CHP1: variants seen among roughly 807,000 people sequenced by gnomAD.
The protein encoded by CHP1 is calcineurin like EF-hand protein 1.
A neutral mutation model predicts 27.4 loss-of-function variants in CHP1; 11 were observed. The ratio of observed to expected loss-of-function variants is 0.40; its 90% CI spans 0.25 to 0.67. The LOEUF (loss-of-function observed/expected upper bound fraction) is 0.67, where lower values mean the gene tolerates loss of function less well. Ranked by LOEUF, CHP1 falls within the 30% of genes least tolerant of loss-of-function variation. CHP1 has a pLI of 0.38. For missense variants in CHP1, 169 were observed against 251.3 expected, an observed-to-expected ratio of 0.67 and a Z score of 2.22; for synonymous variants, 89 against 87.4, an observed-to-expected ratio of 1.02 and a Z score of -0.10.
At position 41,256,385 on chromosome 15, in the gene CHP1, CAG is replaced by C. The variant is rs1481107336; in HGVS notation, c.141-522_141-521del. The stretch of plus-strand genomic sequence containing the variant: ...CAGAACATGGAAATGGAGAAAAAGC[CAG>C]AGTCAGAACAAGGAAATCAATTGGT... On this transcript the variant is annotated intron_variant, in intron 2 of 6. Transcript: ENST00000334660. Among the ~76,000 whole-genome samples, 47 of 152,228 alleles carry C rather than the reference CAG, an allele frequency of 3.1e-4. 1 individual carries two copies. Among genetic ancestry groups the C allele is most frequent in the Non-Finnish European group, 5.9e-5 (4 of 68,014 alleles).
intron 2 of CHP1, 113 bp from the exon 3 acceptor site, chr15:41,256,797 G>GT (rs1365507956): frequency 8.5e-6 from 7 of 822,256 alleles, no homozygotes; most frequent in Non-Finnish European, 1.0e-5. Context: ...TGCCACAGAA[G>GT]TAAATTCCAG....
At chr15:41,236,647 A>G (rs1196513051) in intron 1 of CHP1, among the ~76,000 whole-genome samples, 4 of 152,158 alleles carry the variant, frequency 2.6e-5, no homozygotes, top group Admixed American at 1.3e-4. Flanking sequence ...TGACCCCAGC[A>G]GCAGCTGCGA....
In CHP1 at chr15:41,270,631, C is replaced by T; in HGVS notation, c.411+13C>T. 1 of 1,607,226 alleles carries T rather than the reference C, an allele frequency of 6.2e-7. No individual in the cohort carries two copies. On this transcript the variant is annotated intron_variant, in intron 5 of 6. Coordinates refer to ENST00000334660, the MANE Select transcript of CHP1 (RefSeq NM_007236.5). ...TGAGCTGTTACAGGTATGTGGAGAG[C>T]TCCTCGAGAACTTGTGCTTGGACTC...
intron 5 of CHP1, among the ~76,000 whole-genome samples, chr15:41,277,825 C>T (rs2047527058): frequency 6.6e-6 from 1 of 150,698 alleles, no homozygotes; most frequent in Non-Finnish European, 1.5e-5. Context: ...TTGCACACAC[C>T]TGTAGTGTAG....
At chr15:41,231,548 T>C in intron 1 of CHP1, 99 bp downstream of exon 1, 1 of 1,176,876 alleles carries the variant, frequency 8.5e-7, no homozygotes, top group Admixed American at 2.0e-5. Context: ...GCCTGTGAGG[T>C]TGGGGGGTCC....
chr15:41,231,915 A>G (rs2047247305), intron 1 of CHP1, among the ~76,000 whole-genome samples: 1 of 152,116 alleles, frequency 6.6e-6, no homozygotes, highest in African/African-American at 2.4e-5. Context: ...TCTTGTCACA[A>G]ATTGGGAAAA....
At chr15:41,260,549 C>T (rs1250324712) in intron 3 of CHP1, among the ~76,000 whole-genome samples, 1 of 151,908 alleles carries the variant, frequency 6.6e-6, no homozygotes, top group Non-Finnish European at 1.5e-5. Context: ...CATGCACCAC[C>T]AGGCCCAGCT....
chr15:41,264,584 G>A (rs1445002988), intron 4 of CHP1, among the ~76,000 whole-genome samples: 4 of 152,022 alleles, frequency 2.6e-5, no homozygotes, highest in South Asian at 2.1e-4. Flanking sequence ...GACCACAGGC[G>A]TGTGCACTAC....
intron 3 of CHP1, among the ~76,000 whole-genome samples, chr15:41,259,657 C>G (rs1449100368): frequency 6.6e-6 from 1 of 152,054 alleles, no homozygotes; most frequent in African/African-American, 2.4e-5. Context: ...AAACTTTACT[C>G]CACATTACTT....
chr15:41,256,109 AC>A (rs2047399465), intron 2 of CHP1, among the ~76,000 whole-genome samples: 1 of 152,196 alleles, frequency 6.6e-6, no homozygotes. Context: ...CAGTTCTGCT[AC>A]TTAGGAGTAG....
At chr15:41,247,770 C>G (rs902420539) in intron 2 of CHP1, among the ~76,000 whole-genome samples, 16 of 151,760 alleles carry the variant, frequency 1.1e-4, no homozygotes, top group African/African-American at 3.6e-4. Context: ...CAAGAGAAGA[C>G]CAACCTGGCT....
At chr15:41,236,542 G>A (rs918911173) in intron 1 of CHP1, among the ~76,000 whole-genome samples, 1 of 152,138 alleles carries the variant, frequency 6.6e-6, no homozygotes, top group South Asian at 2.1e-4. Flanking sequence ...GATTACAGAG[G>A]TGAGCCACTG....
chr15:41,238,299 A>G (rs1181405992), intron 1 of CHP1, among the ~76,000 whole-genome samples: 1 of 151,988 alleles, frequency 6.6e-6, no homozygotes, highest in Non-Finnish European at 1.5e-5. Flanking sequence ...CTCAGCGTAC[A>G]GGAATGCACC....
intron 3 of CHP1, among the ~76,000 whole-genome samples, chr15:41,260,433 C>T (rs2047426996): frequency 6.8e-6 from 1 of 146,178 alleles, no homozygotes; most frequent in Non-Finnish European, 1.5e-5. Context: ...CTCCCTCTGT[C>T]ACCCAGGCTG....
intron 1 of CHP1, among the ~76,000 whole-genome samples, chr15:41,240,241 G>C (rs988804357): frequency 2.1e-4 from 32 of 152,042 alleles, no homozygotes; most frequent in Middle Eastern, 3.4e-3. Context: ...TCATTGTCCT[G>C]CTTCTGCCTC....
At position 41,256,893 on chromosome 15, in the gene CHP1, G is replaced by A. The variant is rs1376818001; in HGVS notation, c.141-17G>A. On this transcript the variant is annotated splice_polypyrimidine_tract_variant and intron_variant, in intron 2 of 6. Transcript: ENST00000334660. ...GGGCAATGATCTCTATCTAACTCAA[G>A]GTGATTCTCTTGGCAGCCGGGAAGA... 6.2e-7 allele frequency: 1 copy of A among 1,612,264 alleles called. No homozygotes were observed. The highest frequency in any genetic ancestry group is 2.2e-5 in the East Asian group (1 of 44,876).
rs1163396790 is a variant in CHP1, at chr15:41,248,577, G to C, written c.140+4838G>C. Among the ~76,000 whole-genome samples the C allele has an allele frequency of 5.3e-5, 8 of 152,162 alleles. No homozygotes were observed. The South Asian group carries it at 1.7e-3, about 32-fold the overall frequency. On this transcript the variant is annotated intron_variant, in intron 2 of 6. Coordinates refer to ENST00000334660, the MANE Select transcript of CHP1 (RefSeq NM_007236.5). ...CACTGTACCTGGCCTGAAAGCTCTA[G>C]GTCTTAAACCTGTTCTTTGATCTCT...
intron 2 of CHP1, among the ~76,000 whole-genome samples, chr15:41,253,684 G>A (rs986061900): frequency 1.3e-5 from 2 of 151,682 alleles, no homozygotes; most frequent in Non-Finnish European, 2.9e-5. Flanking sequence ...TTCATCTCTT[G>A]ACCTCATGAT....
chr15:41,276,995 A>G (rs192033617), intron 5 of CHP1, among the ~76,000 whole-genome samples: 2 of 152,340 alleles, frequency 1.3e-5, no homozygotes, highest in East Asian at 3.9e-4. Context: ...AAGAAGAATG[A>G]GGAAGGGCAA....
Sources: allele counts gnomAD v4.1 joint callset (sites outside exome capture counted in the v4.1 genomes callset), GRCh38; gene constraint gnomAD v4.1.1; transcripts MANE v1.5; gene names NCBI Gene and HGNC (gene_info 2026-07-23, HGNC 2026-07-21).